SEC23B: variants seen among roughly 807,000 people sequenced by gnomAD.
The protein encoded by SEC23B is protein transport protein Sec23B.
SEC23B carries 77 observed loss-of-function variants against 104.3 expected under a neutral mutation model. The observed-to-expected ratio is 0.74, with a 90% CI of 0.61 to 0.89. SEC23B has a LOEUF of 0.89. SEC23B is among the 40% of genes least tolerant of loss of function. The probability of loss-of-function intolerance (pLI) is 0.00; values close to 1 mark genes in which losing one functional copy is unlikely to be tolerated. For missense variants in SEC23B, 885 were observed against 949.4 expected, an observed-to-expected ratio of 0.93 and a Z score of 0.89; for synonymous variants, 338 against 332.5, an observed-to-expected ratio of 1.02 and a Z score of -0.18.
intron 12 of SEC23B, among the ~76,000 whole-genome samples, chr20:18,541,088 C>T (rs1449728595): frequency 6.6e-6 from 1 of 152,212 alleles, no homozygotes; most frequent in Admixed American, 6.5e-5. Context: ...GCTGCTTCAC[C>T]TTGTGCCATT....
At chr20:18,536,247 C>T (rs1479889021) in intron 12 of SEC23B, among the ~76,000 whole-genome samples, 1 of 152,124 alleles carries the variant, frequency 6.6e-6, no homozygotes, top group African/African-American at 2.4e-5. Context: ...ATTTTGGTTT[C>T]CTATTGCATA....
rs796136781 is a variant in SEC23B, at chr20:18,524,783, C to T, written c.603+114C>T. 6.7e-6 allele frequency: 8 copies of T among 1,197,694 alleles called. No homozygotes were observed. In the African/African-American group the frequency reaches 1.2e-4, roughly 18 times the overall value. 74.2% of individuals were successfully genotyped at this position (1,197,694 alleles called of 1,614,324 possible). On this transcript the variant is annotated intron_variant, in intron 5 of 19. Transcript: ENST00000650089. The stretch of plus-strand genomic sequence containing the variant: ...GGAGTTCAGTGGTGTGATCATTGCT[C>T]AATGGCTCAAGCCATTGGCCCACCT...
rs760830538 is a variant in SEC23B at position 18,527,620 on chromosome 20, A to G, written c.1109+9A>G. ...TGTGCAAATCTTACTGGGTATGTTGACAGTGAAAACCTGGGCAGAGTGACA... is the reference window on the plus strand; with the variant it reads ...TGTGCAAATCTTACTGGGTATGTTGGCAGTGAAAACCTGGGCAGAGTGACA... On this transcript the variant is annotated intron_variant, in intron 9 of 19. Transcript: ENST00000650089. 1 of 1,492,440 alleles carries G rather than the reference A, an allele frequency of 6.7e-7. No individual in the cohort carries two copies. The highest frequency in any genetic ancestry group is 9.4e-7 in the Non-Finnish European group (1 of 1,068,722). The allele number at this position is 1,492,440 out of a possible 1,614,324, so 92.4% of individuals were successfully genotyped here. A position where few individuals can be genotyped will look rare whatever the true frequency, so the allele number is the denominator to read the frequency against.
intron 7 of SEC23B, among the ~76,000 whole-genome samples, 191 bp from the exon 8 acceptor site, chr20:18,526,182 T>C: frequency 6.6e-6 from 1 of 152,214 alleles, no homozygotes; most frequent in East Asian, 1.9e-4. Context: ...TTAATAAAAC[T>C]GTGCAAACCC....
chr20:18,514,559 T>C (rs2060008434), intron 3 of SEC23B, among the ~76,000 whole-genome samples: 1 of 152,198 alleles, frequency 6.6e-6, no homozygotes, highest in Non-Finnish European at 1.5e-5. Flanking sequence ...GATCATCTGC[T>C]CACTTTGGGG....
In SEC23B at chr20:18,546,020, C is replaced by T. The variant is rs1182198296; in HGVS notation, c.1730C>T (p.Ser577Phe). Residue 577 changes from serine (S) to phenylalanine (F), a missense_variant, in exon 15 of 20, where the codon TCT becomes TTT. Ser to Phe is a radical substitution (Grantham distance 155). Transcript: ENST00000650089. ...TCTTTTAGGTTATCAGATTCCTTTTCTCTATATCCTCAGGTAAGTAATGTA... is the reference window on the plus strand; with the variant it reads ...TCTTTTAGGTTATCAGATTCCTTTTTTCTATATCCTCAGGTAAGTAATGTA... ...PTSFRLSDSF[S>F]LYPQFMFHLR... 2 of 1,539,626 alleles carry T rather than the reference C, an allele frequency of 1.3e-6. No individual in the cohort carries two copies. Among genetic ancestry groups the T allele is most frequent in the Middle Eastern group, 1.7e-4 (1 of 5,936 alleles).
intron 19 of SEC23B, among the ~76,000 whole-genome samples, chr20:18,556,265 CCT>C: frequency 6.6e-6 from 1 of 152,028 alleles, no homozygotes; most frequent in Non-Finnish European, 1.5e-5. Flanking sequence ...GTTGGGGACC[CCT>C]GATTTAAAGT....
chr20:18,520,817 T>G (rs1391714850), intron 4 of SEC23B, among the ~76,000 whole-genome samples: 1 of 151,842 alleles, frequency 6.6e-6, no homozygotes, highest in Non-Finnish European at 1.5e-5. Flanking sequence ...TCGGCGTCCG[T>G]GATGGTCTAG....
chr20:18,520,698 G>T (rs1230174307), intron 4 of SEC23B, among the ~76,000 whole-genome samples: 1 of 152,080 alleles, frequency 6.6e-6, no homozygotes, highest in Non-Finnish European at 1.5e-5. Flanking sequence ...CAACGGTTAT[G>T]GAGGCAAGGG....
rs1289821878 is a variant in SEC23B at position 18,530,814 on chromosome 20, C to T, written c.1233+11C>T. ...ACTTTGGACGTAAAGGTACGGTAAA[C>T]TTTTTTTTTTTTTTATGTGGACTCA... On this transcript the variant is annotated intron_variant, in intron 10 of 19. Transcript: ENST00000650089. 3.5e-6 allele frequency: 5 copies of T among 1,438,302 alleles called. No homozygotes were observed. Among genetic ancestry groups the T allele is most frequent in the Non-Finnish European group, 3.8e-6 (4 of 1,042,406 alleles). The allele number at this position is 1,438,302 out of a possible 1,614,324, so 89.1% of individuals were successfully genotyped here.
In SEC23B at chr20:18,551,165, A is replaced by T. The variant is rs1469443559; in HGVS notation, c.1982A>T (p.Tyr661Phe). The T allele has an allele frequency of 6.4e-7, 1 of 1,566,118 alleles. No individual in the cohort carries two copies. The highest frequency in any genetic ancestry group is 1.1e-5 in the South Asian group (1 of 90,230). Residue 661 changes from tyrosine to phenylalanine, a missense_variant, in exon 17 of 20, where the codon TAT becomes TTT. Transcript: ENST00000650089. ...GATACTTTCTTTCAAATTGTCATTTATCTTGGTGAGGTAAGATGATATTAT... is the reference window on the plus strand; with the variant it reads ...GATACTTTCTTTCAAATTGTCATTTTTCTTGGTGAGGTAAGATGATATTAT... ...LMDTFFQIVI[Y>F]LGETIAQWRK...
chr20:18,534,740 CT>C (rs2060213225), intron 11 of SEC23B, among the ~76,000 whole-genome samples: 1 of 152,182 alleles, frequency 6.6e-6, no homozygotes, highest in African/African-American at 2.4e-5. Context: ...TGGTCATTTC[CT>C]AATTGTCTTT....
chr20:18,540,402 C>T (rs1293871093), intron 12 of SEC23B, among the ~76,000 whole-genome samples: 1 of 152,156 alleles, frequency 6.6e-6, no homozygotes, highest in Non-Finnish European at 1.5e-5. Context: ...AGCAGCAGGT[C>T]TCAACAGTGG....
chr20:18,544,731 G>C (rs1177811940), intron 14 of SEC23B, among the ~76,000 whole-genome samples: 1 of 152,238 alleles, frequency 6.6e-6, no homozygotes, highest in Admixed American at 6.5e-5. Flanking sequence ...ACATTGCAGA[G>C]AGAAAAGGCT....
chr20:18,549,427 C>T (rs895096219), intron 16 of SEC23B, among the ~76,000 whole-genome samples: 1 of 151,998 alleles, frequency 6.6e-6, no homozygotes. Context: ...GAAAACAAGT[C>T]TGTACATGTA....
intron 4 of SEC23B, among the ~76,000 whole-genome samples, chr20:18,522,697 A>AG (rs2148895849): frequency 1.3e-5 from 1 of 76,924 alleles, no homozygotes; most frequent in East Asian, 2.9e-4. Context: ...TGTGAGCAAC[A>AG]AGCTGTTATT....
chr20:18,548,548 T>G, intron 15 of SEC23B, 61 bp from the exon 16 acceptor site: 3 of 1,530,618 alleles, frequency 2.0e-6, no homozygotes, highest in Non-Finnish European at 2.7e-6. Context: ...AGATCTACTC[T>G]GTGGGTGTCT....
intron 14 of SEC23B, among the ~76,000 whole-genome samples, chr20:18,544,495 G>T (rs1464573582): frequency 1.3e-5 from 2 of 152,180 alleles, no homozygotes; most frequent in African/African-American, 4.8e-5. Flanking sequence ...TAGCAGGAAT[G>T]AGCCTGCAGG....
chr20:18,548,811 C>T, intron 16 of SEC23B, 41 bp downstream of exon 16: 1 of 1,595,334 alleles, frequency 6.3e-7, no homozygotes, highest in Non-Finnish European at 8.6e-7. Context: ...ATTGGAATCA[C>T]CTAACATATA....
Sources: gnomAD v4.1 joint callset for allele counts (sites outside exome capture counted in the v4.1 genomes callset) on GRCh38, gnomAD v4.1.1 for gene constraint, MANE v1.5 for transcripts, NCBI Gene and HGNC (gene_info 2026-07-23, HGNC 2026-07-21) for gene names.